The following CFAP97 variants were observed in gnomAD, a reference collection of about 807,000 sequenced individuals.
CFAP97 encodes the protein cilia and flagella associated protein 97, also known as cilia- and flagella-associated protein 97.
A neutral mutation model predicts 43.1 loss-of-function variants in CFAP97; 36 were observed. That is an observed-to-expected ratio of 0.84 (90% confidence interval 0.64 to 1.10). The LOEUF is 1.10. CFAP97 is among the 50% of genes least tolerant of loss of function. The pLI, the probability that CFAP97 is intolerant of heterozygous loss-of-function variation, is 0.00. For missense variants in CFAP97, 657 were observed against 620.3 expected (o/e 1.06, Z -0.63); for synonymous variants, 228 against 225.7 (o/e 1.01, Z -0.09).
chr4:185,205,828 C>G (rs572336878), upstream of CFAP97, among the ~76,000 whole-genome samples: 1 of 152,308 alleles, frequency 6.6e-6, no homozygotes, highest in South Asian at 2.1e-4. Flanking sequence ...GCCCCTGTCT[C>G]TAAATAAATA....
In CFAP97 at chr4:185,167,811, A is replaced by G. The variant is rs1289254585; in HGVS notation, c.1321-3632T>C. Reference sequence around the variant, plus strand: ...GGAGTTCGAGACCAGCCTGGCCAACATGGTGAAACCCCATCTCTACTAAAA... The same window carrying G: ...GGAGTTCGAGACCAGCCTGGCCAACGTGGTGAAACCCCATCTCTACTAAAA... On this transcript the variant is annotated intron_variant, in intron 3 of 4. Transcript: ENST00000458385. 3.3e-5 allele frequency among the ~76,000 whole-genome samples: 5 copies of G among 149,754 alleles called. No individual in the cohort carries two copies. In the East Asian group the frequency reaches 7.8e-4, roughly 24 times the overall value.
chr4:185,200,468 C>A (rs924788961), intron 1 of CFAP97, among the ~76,000 whole-genome samples: 12 of 152,116 alleles, frequency 7.9e-5, no homozygotes, highest in Admixed American at 6.6e-5. Context: ...GGTGAATCTC[C>A]GTCTCTACTA....
At position 185,175,624 on chromosome 4, in the gene CFAP97, C is replaced by T. The variant is rs542747586; in HGVS notation, c.1320+162G>A. 2.0e-5 allele frequency among the ~76,000 whole-genome samples: 3 copies of T among 152,270 alleles called. No homozygotes were observed. The East Asian group carries it at 5.8e-4, about 29-fold the overall frequency. On this transcript the variant is annotated intron_variant, in intron 3 of 4. Transcript: ENST00000458385. The stretch of plus-strand genomic sequence containing the variant: ...CCTGGATAAAAATACATATCGTATC[C>T]TCCGGACTTACAGCACATCATATGT...
upstream of CFAP97, among the ~76,000 whole-genome samples, chr4:185,205,971 A>G (rs927301459): frequency 2.6e-5 from 4 of 152,238 alleles, no homozygotes; most frequent in African/African-American, 9.6e-5. Flanking sequence ...AGTCAAAAAC[A>G]CAATGAGATA....
intron 1 of CFAP97, among the ~76,000 whole-genome samples, chr4:185,194,010 T>A (rs563393300): frequency 6.6e-6 from 1 of 152,370 alleles, no homozygotes; most frequent in Non-Finnish European, 1.5e-5. Context: ...GCAAACTACC[T>A]GTCCGTAAAC....
At chr4:185,166,336 T>A (rs1051054401) in intron 3 of CFAP97, among the ~76,000 whole-genome samples, 1 of 152,172 alleles carries the variant, frequency 6.6e-6, no homozygotes, top group Non-Finnish European at 1.5e-5. Flanking sequence ...TGGGGCCACA[T>A]CTCCAGTGTA....
At chr4:185,175,601 T>C (rs1000334341) in intron 3 of CFAP97, among the ~76,000 whole-genome samples, 185 bp downstream of exon 3, 1 of 152,172 alleles carries the variant, frequency 6.6e-6, no homozygotes, top group Non-Finnish European at 1.5e-5. Flanking sequence ...TATAGTTTCC[T>C]GGATAAAAAT....
chr4:185,201,325 C>CAAGAAA (rs1736817054), intron 1 of CFAP97, among the ~76,000 whole-genome samples: 1 of 128,212 alleles, frequency 7.8e-6, no homozygotes, highest in Non-Finnish European at 1.6e-5. Flanking sequence ...GACTCCGCCT[C>CAAGAAA]AAAAAAAAAA....
intron 3 of CFAP97, among the ~76,000 whole-genome samples, chr4:185,165,990 G>C (rs1475944246): frequency 1.3e-5 from 2 of 152,158 alleles, no homozygotes; most frequent in Non-Finnish European, 2.9e-5. Context: ...AAACAGCAGA[G>C]GTGCAAAACA....
At chr4:185,200,592 G>A (rs907258600) in intron 1 of CFAP97, among the ~76,000 whole-genome samples, 4 of 151,914 alleles carry the variant, frequency 2.6e-5, no homozygotes, top group African/African-American at 7.3e-5. Flanking sequence ...GCAGTGAACC[G>A]AGCTTGCGTC....
At chr4:185,191,569 T>C (rs967059777) in intron 1 of CFAP97, among the ~76,000 whole-genome samples, 1 of 152,202 alleles carries the variant, frequency 6.6e-6, no homozygotes, top group Admixed American at 6.5e-5. Flanking sequence ...CGGTGGCTCA[T>C]GCCTGTAATC....
intron 3 of CFAP97, among the ~76,000 whole-genome samples, chr4:185,167,533 C>A (rs552127549): frequency 1.3e-5 from 2 of 152,216 alleles, no homozygotes; most frequent in East Asian, 3.9e-4. Context: ...TAAATATAAG[C>A]TATATGGTCA....
intron 2 of CFAP97, among the ~76,000 whole-genome samples, chr4:185,180,326 C>T (rs1275501523): frequency 1.3e-5 from 2 of 152,072 alleles, no homozygotes; most frequent in Non-Finnish European, 2.9e-5. Context: ...TTCAGTGGTA[C>T]CGAATACATT....
intron 3 of CFAP97, among the ~76,000 whole-genome samples, chr4:185,170,510 C>T (rs1735255899): frequency 6.6e-6 from 1 of 151,912 alleles, no homozygotes; most frequent in Admixed American, 6.6e-5. Context: ...GAGTCTCCTG[C>T]CTCAGCCTCC....
In CFAP97 at chr4:185,161,548, G is replaced by C. The variant is rs181413066; in HGVS notation, c.*1250C>G. 24 of 152,212 alleles carry C rather than the reference G, an allele frequency of 1.6e-4. No homozygotes were observed. Among genetic ancestry groups the C allele is most frequent in the Non-Finnish European group, 2.5e-4 (17 of 68,012 alleles). 9.4% of individuals were successfully genotyped at this position (152,212 alleles called of 1,614,324 possible). A position where few individuals can be genotyped will look rare whatever the true frequency, so the allele number is the denominator to read the frequency against. ...ACTGAAAAGGCTAGTAGTGAAAAAC[G>C]GCGGTAACAATGAGATAACATACTT... is the stretch of plus-strand genomic sequence containing the variant. On this transcript the variant is annotated 3_prime_UTR_variant, in exon 5 of 5. Transcript: ENST00000458385.
chr4:185,164,284 TA>T lies in CFAP97; in HGVS notation c.1321-106del. 6 of 1,159,584 alleles carry T rather than the reference TA, an allele frequency of 5.2e-6. No individual in the cohort carries two copies. In the South Asian group the frequency reaches 8.0e-5, roughly 16 times the overall value. The allele number at this position is 1,159,584 out of a possible 1,614,324, so 71.8% of individuals were successfully genotyped here. A position where few individuals can be genotyped will look rare whatever the true frequency, so the allele number is the denominator to read the frequency against. ...CATTCACTTTCTTTCTTTTTTTTTT[TA>T]AGAGACAAGATCTTACTCTGTCACT... On this transcript the variant is annotated intron_variant, in intron 3 of 4. Coordinates refer to ENST00000458385, the MANE Select transcript of CFAP97 (RefSeq NM_020827.3).
At chr4:185,179,859 T>C (rs1474498387) in intron 2 of CFAP97, among the ~76,000 whole-genome samples, 1 of 152,196 alleles carries the variant, frequency 6.6e-6, no homozygotes, top group African/African-American at 2.4e-5. Context: ...TTGGTTTAAA[T>C]TGATTATCAA....
At chr4:185,196,137 T>A (rs1244277024) in intron 1 of CFAP97, among the ~76,000 whole-genome samples, 1 of 152,192 alleles carries the variant, frequency 6.6e-6, no homozygotes, top group African/African-American at 2.4e-5. Flanking sequence ...GTAGCTCATG[T>A]CCATCATTAA....
At chr4:185,195,722 C>T (rs538278735) in intron 1 of CFAP97, among the ~76,000 whole-genome samples, 3 of 152,212 alleles carry the variant, frequency 2.0e-5, no homozygotes, top group Non-Finnish European at 2.9e-5. Context: ...TCATCACAAA[C>T]GTAAAGACTA....
Sources: gnomAD v4.1 joint callset for allele counts (sites outside exome capture counted in the v4.1 genomes callset) on GRCh38, gnomAD v4.1.1 for gene constraint, MANE v1.5 for transcripts, NCBI Gene and HGNC (gene_info 2026-07-23, HGNC 2026-07-21) for gene names.